Variants in RABL6 observed in about 807,000 individuals in gnomAD.
The protein encoded by RABL6 is RAB, member RAS oncogene family like 6, also known as rab-like protein 6.
In RABL6, 28 loss-of-function variants were observed where a neutral mutation model predicts 72.9. The ratio of observed to expected loss-of-function variants is 0.38; its 90% CI spans 0.28 to 0.53. RABL6 has a LOEUF of 0.53. Among genes scored for constraint, RABL6 ranks in the 20% least tolerant of loss-of-function variants. RABL6 has a pLI of 0.80. For synonymous variants in RABL6, 477 were observed against 421.2 expected (o/e 1.13, Z -1.62); for missense variants, 1,029 against 1,008.4 (o/e 1.02, Z -0.28).
intron 1 of RABL6, 55 bp from the exon 2 acceptor site, chr9:136,823,470 C>T: frequency 1.2e-6 from 2 of 1,602,644 alleles, no homozygotes; most frequent in South Asian, 1.1e-5. Context: ...CTTAAAGCTG[C>T]AGCTTGGGTT....
In RABL6 at chr9:136,838,946, G is replaced by C. The variant is rs774440093; in HGVS notation, c.1318G>C (p.Gly440Arg). ...CCTGGGCGGCAACCCGATGGTGGCA[G>C]GGTTCCAGGACGATGTGGACCTCGA... ...EALGGNPMVA[G>R]FQDDVDLEDQ... The change falls in exon 11 of 15, where the codon GGG (glycine) becomes CGG (arginine). Residue 440 changes from glycine (G) to arginine (R), a missense_variant. Physicochemically the swap from Gly to Arg is moderately radical, Grantham distance 125 (BLOSUM62 -2). Coordinates refer to ENST00000311502, the MANE Select transcript of RABL6 (RefSeq NM_024718.5). The C allele has an allele frequency of 7.5e-6, 12 of 1,608,136 alleles. No individual in the cohort carries two copies. In the South Asian group the frequency reaches 1.3e-4, roughly 18 times the overall value.
chr9:136,835,795 G>A lies in RABL6; in HGVS notation c.759G>A (p.Thr253=), dbSNP rs1271924203. The A allele has an allele frequency of 7.7e-6, 12 of 1,554,472 alleles. No individual in the cohort carries two copies. The highest frequency in any genetic ancestry group is 4.1e-5 in the African/African-American group (3 of 73,202). Residue 253 remains threonine, a synonymous_variant, in exon 8 of 15, where the codon ACG becomes ACA. Coordinates refer to ENST00000311502, the MANE Select transcript of RABL6 (RefSeq NM_024718.5). ...CGAACCAGCTGGACATGGACGCCAC[G>A]CTGGAGGAGCTGTCGGTGCAGCAGG... The part of the protein sequence containing the change: ...LETNQLDMDA[T]LEELSVQQET...
At chr9:136,839,541 C>G in intron 12 of RABL6, 55 bp downstream of exon 12, 2 of 1,572,536 alleles carry the variant, frequency 1.3e-6, no homozygotes, top group South Asian at 1.2e-5. Context: ...GTCCCTCCCA[C>G]AGGCCTGATC....
In RABL6 at chr9:136,837,198, A is replaced by C. The variant is rs1240141603; in HGVS notation, c.810-148A>C. 3.0e-5 allele frequency: 27 copies of C among 915,084 alleles called. No individual in the cohort carries two copies. The East Asian group carries it at 6.3e-4, about 21-fold the overall frequency. The allele number at this position is 915,084 out of a possible 1,614,324, so 56.7% of individuals were successfully genotyped here. A position where few individuals can be genotyped will look rare whatever the true frequency, so the allele number is the denominator to read the frequency against. Reference sequence around the variant, plus strand: ...CTGGCACTGCTGCCCTTGGAAGTGGATGGGGATGATGGCCTCTGTGGGGCG... The same window carrying C: ...CTGGCACTGCTGCCCTTGGAAGTGGCTGGGGATGATGGCCTCTGTGGGGCG... On this transcript the variant is annotated intron_variant, in intron 8 of 14. Coordinates refer to ENST00000311502, the MANE Select transcript of RABL6 (RefSeq NM_024718.5).
intron 3 of RABL6, 88 bp downstream of exon 3, chr9:136,825,914 C>T (rs1026404521): frequency 3.5e-6 from 5 of 1,432,130 alleles, no homozygotes; most frequent in African/African-American, 2.8e-5. Flanking sequence ...GGCGCCCATG[C>T]ATCACCCACC....
intron 12 of RABL6, 36 bp downstream of exon 12, chr9:136,839,522 G>A: frequency 6.3e-7 from 1 of 1,585,818 alleles, no homozygotes; most frequent in Non-Finnish European, 8.6e-7. Context: ...GGTCAGCCAG[G>A]TGGCCAGGGT....
Position 136,828,882 on chromosome 9 carries a change from G to A in RABL6, c.366+336G>A, listed in dbSNP as rs76220266. On this transcript the variant is annotated intron_variant, in intron 4 of 14. Transcript: ENST00000311502. ...GGACACATCTCGCAGCGCCATGGGC[G>A]TGAGTTTCGCTCACCGGAGCCACCT... 7.9e-3 allele frequency among the ~76,000 whole-genome samples: 1,199 copies of A among 152,328 alleles called. 24 individuals carry two copies. The highest frequency in any genetic ancestry group is 0.028 in the African/African-American group (1,146 of 41,572).
intron 1 of RABL6, chr9:136,808,742 G>T (rs188506849): frequency 6.5e-6 from 1 of 152,948 alleles, no homozygotes; most frequent in Admixed American, 6.5e-5. Context: ...GGAGGTGCGG[G>T]GAACCCAGCC....
chr9:136,815,905 C>A (rs897855701), intron 1 of RABL6, among the ~76,000 whole-genome samples: 1 of 152,176 alleles, frequency 6.6e-6, no homozygotes, highest in Admixed American at 6.5e-5. Flanking sequence ...AGGTCGTGTT[C>A]ACATCCCGTT....
rs756143242 is a variant in RABL6, at chr9:136,839,286, T to G, written c.1558T>G (p.Trp520Gly). ...TAPTRTAAPPWPGGVSVRTGP... is the reference protein window; with the variant it reads ...TAPTRTAAPPGPGGVSVRTGP... ...TCCCACGAGGACCGCAGCACCCCCC[T>G]GGCCAGGCGGTGTCTCTGTTCGCAC... is the stretch of plus-strand genomic sequence containing the variant. Residue 520 changes from tryptophan (W) to glycine (G), a missense_variant, in exon 12 of 15, where the codon TGG becomes GGG. Trp to Gly is a radical substitution (Grantham distance 184, BLOSUM62 -2). This residue lies in a region of RABL6 where 595 missense variants were observed against 472.4 expected (regional missense o/e 1.26). Coordinates refer to ENST00000311502, the MANE Select transcript of RABL6 (RefSeq NM_024718.5). 1.2e-6 allele frequency: 2 copies of G among 1,610,818 alleles called. No homozygotes were observed. Among genetic ancestry groups the G allele is most frequent in the Middle Eastern group, 3.4e-4 (2 of 5,956 alleles).
Position 136,840,317 on chromosome 9 carries a change from C to T in RABL6, c.1990-5C>T, listed in dbSNP as rs556747160. The T allele has an allele frequency of 1.8e-5, 28 of 1,592,494 alleles. No individual in the cohort carries two copies. The African/African-American group carries it at 3.6e-4, about 21-fold the overall frequency. On this transcript the variant is annotated splice_region_variant and splice_polypyrimidine_tract_variant and intron_variant, in intron 14 of 14. Coordinates refer to ENST00000311502, the MANE Select transcript of RABL6 (RefSeq NM_024718.5). ...TCCATGGCGCCCCATCCTTGTGCTCCTCAGGAAGAAGAAAAAGCTGCCAAG... is the reference window on the plus strand; with the variant it reads ...TCCATGGCGCCCCATCCTTGTGCTCTTCAGGAAGAAGAAAAAGCTGCCAAG...
intron 1 of RABL6, chr9:136,812,853 C>G (rs1488812858): frequency 3.1e-6 from 1 of 326,084 alleles, no homozygotes; most frequent in Non-Finnish European, 6.0e-6. Context: ...CCTCGCCCAC[C>G]AAAGCCTTCC....
intron 7 of RABL6, chr9:136,832,894 G>A: frequency 3.1e-6 from 1 of 325,000 alleles, no homozygotes; most frequent in South Asian, 2.5e-5. Context: ...ACAAGGGCCA[G>A]GCCAGCTGTG....
chr9:136,825,055 C>T (rs1422208701), intron 2 of RABL6, among the ~76,000 whole-genome samples: 1 of 152,232 alleles, frequency 6.6e-6, no homozygotes, highest in African/African-American at 2.4e-5. Flanking sequence ...ATCAGCTCCC[C>T]CAGTCCCCAG....
intron 6 of RABL6, 142 bp from the exon 7 acceptor site, chr9:136,832,123 C>CAGGGCA: frequency 1.1e-6 from 1 of 904,874 alleles, no homozygotes; most frequent in Non-Finnish European, 1.7e-6. Flanking sequence ...AGCTGCTTAG[C>CAGGGCA]AGGGCTCAGC....
intron 1 of RABL6, among the ~76,000 whole-genome samples, chr9:136,812,341 C>G (rs1848028987): frequency 6.6e-6 from 1 of 152,160 alleles, no homozygotes; most frequent in Non-Finnish European, 1.5e-5. Context: ...GGGCGGATTA[C>G]ATGAGGTCAG....
intron 1 of RABL6, among the ~76,000 whole-genome samples, chr9:136,810,762 C>G (rs1439834696): frequency 6.6e-6 from 1 of 152,168 alleles, no homozygotes; most frequent in Non-Finnish European, 1.5e-5. Context: ...AGGATGGTCT[C>G]AATCTCCTGA....
At chr9:136,837,715 C>T in intron 9 of RABL6, 53 bp downstream of exon 9, 3 of 1,546,666 alleles carry the variant, frequency 1.9e-6, no homozygotes, top group Non-Finnish European at 2.6e-6. Flanking sequence ...CAGGCCCTCA[C>T]AGGTGGGGTC....
At chr9:136,809,391 C>T (rs1847953755) in intron 1 of RABL6, 4 of 253,814 alleles carry the variant, frequency 1.6e-5, no homozygotes, top group South Asian at 8.3e-5. Flanking sequence ...GAGGAAGCTG[C>T]AGACCACTCG....
Sources: gnomAD v4.1 joint callset for allele counts (sites outside exome capture counted in the v4.1 genomes callset) on GRCh38, gnomAD v4.1.1 for gene constraint, gnomAD v4.1.1 regional missense constraint, MANE v1.5 for transcripts, NCBI Gene and HGNC (gene_info 2026-07-23, HGNC 2026-07-21) for gene names.